KIAA0319: variants seen among roughly 807,000 people sequenced by gnomAD.
KIAA0319 encodes the protein dyslexia-associated protein KIAA0319.
In KIAA0319, 83 loss-of-function variants were observed where a neutral mutation model predicts 108.4. The observed-to-expected ratio is 0.77, with a 90% CI of 0.64 to 0.92. The LOEUF (loss-of-function observed/expected upper bound fraction) is 0.92. Ranked by LOEUF, KIAA0319 falls within the 40% of genes least tolerant of loss-of-function variation. The pLI is 0.00. For missense variants in KIAA0319, 1,195 were observed against 1,322.4 expected, an observed-to-expected ratio of 0.90 and a Z score of 1.49; for synonymous variants, 484 against 510.4, an observed-to-expected ratio of 0.95 and a Z score of 0.70.
At chr6:24,607,880 C>T (rs1211470503) in intron 1 of KIAA0319, among the ~76,000 whole-genome samples, 1 of 152,072 alleles carries the variant, frequency 6.6e-6, no homozygotes, top group Admixed American at 6.6e-5. Context: ...TGCTGCTCTC[C>T]ATGCCAAATA....
intron 11 of KIAA0319, among the ~76,000 whole-genome samples, chr6:24,572,218 G>A (rs1374717042): frequency 2.6e-5 from 4 of 152,166 alleles, no homozygotes; most frequent in Non-Finnish European, 5.9e-5. Context: ...AATGAACAGT[G>A]ACACTGAACT....
chr6:24,568,029 T>C (rs1351152033), intron 13 of KIAA0319, among the ~76,000 whole-genome samples: 1 of 152,224 alleles, frequency 6.6e-6, no homozygotes, highest in Non-Finnish European at 1.5e-5. Flanking sequence ...GCTGTTAAAG[T>C]TGCTTCAGCC....
In KIAA0319 at chr6:24,599,871, A is replaced by T; in HGVS notation, c.55+1178T>A. Reference sequence around the variant, plus strand: ...GGGGGAGGCCACTGTGCAGGGGAGCATAGGGAACAGGAGACCCACCTGAGG... The same window carrying T: ...GGGGGAGGCCACTGTGCAGGGGAGCTTAGGGAACAGGAGACCCACCTGAGG... On this transcript the variant is annotated intron_variant, in intron 2 of 20. Transcript: ENST00000378214. The surrounding 1 kb of genome is among the most constrained non-coding windows in gnomAD (Gnocchi z 4.1). 1 of 379,426 alleles carries T rather than the reference A, an allele frequency of 2.6e-6. No homozygotes were observed. Among genetic ancestry groups the T allele is most frequent in the South Asian group, 2.5e-5 (1 of 40,646 alleles). The allele number at this position is 379,426 out of a possible 1,614,324, so 23.5% of individuals were successfully genotyped here.
At chr6:24,566,952 T>C (rs1383862978) in intron 13 of KIAA0319, among the ~76,000 whole-genome samples, 1 of 152,190 alleles carries the variant, frequency 6.6e-6, no homozygotes, top group African/African-American at 2.4e-5. Flanking sequence ...TTAGCTATAA[T>C]TTGGGATGAA....
At chr6:24,584,817 T>G (rs1767197387) in intron 4 of KIAA0319, among the ~76,000 whole-genome samples, 1 of 152,258 alleles carries the variant, frequency 6.6e-6, no homozygotes, top group African/African-American at 2.4e-5. Context: ...TGCCAGGCAT[T>G]GCCCCAAGGG....
chr6:24,542,306 A>G (rs1014445501), downstream of KIAA0319, among the ~76,000 whole-genome samples: 1 of 152,248 alleles, frequency 6.6e-6, no homozygotes, highest in African/African-American at 2.4e-5. Flanking sequence ...GTTTAACTAC[A>G]ATACCCCATT....
intron 3 of KIAA0319, 48 bp from the exon 4 acceptor site, chr6:24,588,833 C>T (rs1459433839): frequency 6.2e-6 from 9 of 1,463,078 alleles, no homozygotes; most frequent in Non-Finnish European, 8.5e-6. Flanking sequence ...AAAAAACAGT[C>T]CAACTCTTCA....
At chr6:24,620,457 C>T (rs539271324) in intron 1 of KIAA0319, among the ~76,000 whole-genome samples, 6 of 152,284 alleles carry the variant, frequency 3.9e-5, no homozygotes, top group Admixed American at 6.5e-5. Flanking sequence ...TACACCACCA[C>T]GTCCGGCTAA....
chr6:24,584,901 G>A (rs1767218186), intron 4 of KIAA0319, among the ~76,000 whole-genome samples: 1 of 152,038 alleles, frequency 6.6e-6, no homozygotes, highest in Non-Finnish European at 1.5e-5. Flanking sequence ...CAAAGATCCT[G>A]GGCCAAACTC....
intron 1 of KIAA0319, among the ~76,000 whole-genome samples, chr6:24,635,003 A>G (rs1011591909): frequency 2.6e-5 from 4 of 152,224 alleles, no homozygotes; most frequent in Non-Finnish European, 4.4e-5. Context: ...AGCACTTTAC[A>G]TAAGATAAGG....
intron 16 of KIAA0319, among the ~76,000 whole-genome samples, chr6:24,561,687 C>T (rs1581931212): frequency 6.6e-6 from 1 of 151,486 alleles, no homozygotes. Flanking sequence ...AGACCATGGG[C>T]GTGTGCCACC....
At chr6:24,561,098 G>T (rs1763043002) in intron 16 of KIAA0319, among the ~76,000 whole-genome samples, 1 of 152,196 alleles carries the variant, frequency 6.6e-6, no homozygotes, top group South Asian at 2.1e-4. Context: ...AATCCCACTT[G>T]GTTATGGTCT....
chr6:24,568,631 A>T, intron 13 of KIAA0319, 150 bp downstream of exon 13: 1 of 651,422 alleles, frequency 1.5e-6, no homozygotes, highest in East Asian at 2.8e-5. Context: ...AATAGAAGAA[A>T]GTTGGCTTTT....
intron 4 of KIAA0319, among the ~76,000 whole-genome samples, chr6:24,588,117 A>C (rs1767838066): frequency 6.6e-6 from 1 of 152,228 alleles, no homozygotes; most frequent in Admixed American, 6.5e-5. Context: ...GCAATGAATG[A>C]GAGATGATGG....
chr6:24,628,766 C>A (rs1047134704), intron 1 of KIAA0319, among the ~76,000 whole-genome samples: 1 of 152,088 alleles, frequency 6.6e-6, no homozygotes, highest in East Asian at 1.9e-4. Flanking sequence ...CAATCCTCGG[C>A]GTTCCTTTGC....
chr6:24,604,245 T>C (rs1771083468), intron 1 of KIAA0319, among the ~76,000 whole-genome samples: 1 of 152,196 alleles, frequency 6.6e-6, no homozygotes. Flanking sequence ...ATGTTAGAGA[T>C]GGGAGGTGGA....
chr6:24,547,444 T>A, intron 20 of KIAA0319, 101 bp from the exon 21 acceptor site: 2 of 960,896 alleles, frequency 2.1e-6, no homozygotes, highest in Non-Finnish European at 3.1e-6. Context: ...GGAGTGGTGC[T>A]CTCCGCCCCT....
intron 1 of KIAA0319, among the ~76,000 whole-genome samples, chr6:24,645,228 C>G (rs142447830): frequency 6.6e-6 from 1 of 152,104 alleles, no homozygotes; most frequent in African/African-American, 2.4e-5. Flanking sequence ...AACAAACCAG[C>G]AATAAAAGTG....
At chr6:24,575,431 C>T (rs1258372534) in intron 10 of KIAA0319, among the ~76,000 whole-genome samples, 3 of 152,066 alleles carry the variant, frequency 2.0e-5, no homozygotes, top group Non-Finnish European at 4.4e-5. Flanking sequence ...ATCCAACCCG[C>T]CTCTGAATCA....
Sources: gnomAD v4.1 joint callset for allele counts (sites outside exome capture counted in the v4.1 genomes callset) on GRCh38, gnomAD v4.1.1 for gene constraint, Gnocchi (gnomAD v3.1) non-coding constraint, MANE v1.5 for transcripts, NCBI Gene and HGNC (gene_info 2026-07-23, HGNC 2026-07-21) for gene names.